Variants in TNPO3 observed in about 807,000 individuals in gnomAD.
The protein encoded by TNPO3 is transportin-3.
Under a neutral mutation model 122.8 loss-of-function variants are expected in TNPO3, and 65 were observed. That is an observed-to-expected ratio of 0.53 (90% CI 0.43 to 0.65). The LOEUF is 0.65. TNPO3 is among the 30% of genes least tolerant of loss of function. The pLI is 0.00. For synonymous variants in TNPO3, 372 were observed against 411.2 expected, an observed-to-expected ratio of 0.90 and a Z score of 1.15; for missense variants, 850 against 1,136.7, an observed-to-expected ratio of 0.75 and a Z score of 3.63.
intron 1 of TNPO3, among the ~76,000 whole-genome samples, chr7:129,044,203 C>T (rs1282392132): frequency 2.6e-5 from 4 of 152,252 alleles, no homozygotes; most frequent in Admixed American, 6.5e-5. Flanking sequence ...GCTGGGATTA[C>T]AGGCATGAGC....
Position 128,970,317 on chromosome 7 carries a change from T to C in TNPO3, c.2431-2A>G. ...CCGTAATTCAAAGTCTTCTTCATGC[T>C]GTATGTAGGAAAGCAGGAACATCAG... On this transcript the variant is annotated splice_acceptor_variant, in intron 19 of 22. Coordinates refer to ENST00000265388, the MANE Select transcript of TNPO3 (RefSeq NM_012470.4). LOFTEE classifies it high-confidence loss of function. 1.3e-6 allele frequency: 2 copies of C among 1,578,854 alleles called. No individual in the cohort carries two copies. Among genetic ancestry groups the C allele is most frequent in the Non-Finnish European group, 1.7e-6 (2 of 1,160,830 alleles).
At chr7:129,055,876 T>C, upstream of TNPO3, 1 of 598,812 alleles carries the variant, frequency 1.7e-6, no homozygotes, top group Non-Finnish European at 3.0e-6. Flanking sequence ...CACTAGTAAA[T>C]AACTGCTATT....
chr7:128,993,611 T>C (rs1481385160), intron 9 of TNPO3, among the ~76,000 whole-genome samples, 196 bp downstream of exon 9: 1 of 152,208 alleles, frequency 6.6e-6, no homozygotes, highest in East Asian at 1.9e-4. Flanking sequence ...GAATCATCCA[T>C]AAACTGCAAC....
chr7:129,042,401 G>A (rs574930056), intron 1 of TNPO3, among the ~76,000 whole-genome samples: 2 of 151,970 alleles, frequency 1.3e-5, no homozygotes, highest in African/African-American at 2.4e-5. Context: ...ACTACAAATC[G>A]GTCAAACAAA....
At chr7:128,985,959 A>G (rs1800096748) in intron 12 of TNPO3, among the ~76,000 whole-genome samples, 1 of 152,216 alleles carries the variant, frequency 6.6e-6, no homozygotes, top group Non-Finnish European at 1.5e-5. Context: ...ATTTTACCCA[A>G]TCCTTTAATA....
chr7:129,001,013 C>T lies in TNPO3; in HGVS notation c.872+46G>A, dbSNP rs1345137898. 3 of 1,588,634 alleles carry T rather than the reference C, an allele frequency of 1.9e-6. No individual in the cohort carries two copies. The South Asian group carries it at 3.3e-5, about 18-fold the overall frequency. On this transcript the variant is annotated intron_variant, in intron 6 of 22. Coordinates refer to ENST00000265388, the MANE Select transcript of TNPO3 (RefSeq NM_012470.4). ...ATAAAAAGTGACTTAAAAGAATGAC[C>T]AGACTGTAGGTAAACCCAGGGCTCC...
chr7:129,017,911 T>C (rs779141089), intron 2 of TNPO3, 46 bp downstream of exon 2: 6 of 1,581,110 alleles, frequency 3.8e-6, no homozygotes, highest in Admixed American at 3.3e-5. Context: ...TCCTGATAAA[T>C]CCAAATGGCC....
At chr7:129,039,959 T>C (rs944147444) in intron 1 of TNPO3, among the ~76,000 whole-genome samples, 1 of 152,042 alleles carries the variant, frequency 6.6e-6, no homozygotes, top group African/African-American at 2.4e-5. Flanking sequence ...CTTTCTGGTA[T>C]GATGAAAATG....
intron 4 of TNPO3, among the ~76,000 whole-genome samples, chr7:129,008,517 G>C (rs1032535068): frequency 1.3e-5 from 2 of 151,838 alleles, no homozygotes; most frequent in African/African-American, 4.8e-5. Context: ...AAAATATTCA[G>C]GGATGCCAGG....
At chr7:128,981,776 TAG>T (rs1372322921) in intron 14 of TNPO3, among the ~76,000 whole-genome samples, 1 of 151,192 alleles carries the variant, frequency 6.6e-6, no homozygotes, top group Non-Finnish European at 1.5e-5. Context: ...TCACCCCGGC[TAG>T]AGTGCAGTGA....
chr7:128,959,185 G>T (rs1379569664), intron 21 of TNPO3, among the ~76,000 whole-genome samples: 2 of 152,158 alleles, frequency 1.3e-5, no homozygotes, highest in Admixed American at 1.3e-4. Flanking sequence ...TGCTCCCAAT[G>T]TCAGGAAGGA....
chr7:128,990,350 A>C (rs573072035), intron 10 of TNPO3: 1 of 606,992 alleles, frequency 1.6e-6, no homozygotes, highest in Non-Finnish European at 2.9e-6. Flanking sequence ...AAGTGCCTAC[A>C]GACACATCAA....
intron 9 of TNPO3, among the ~76,000 whole-genome samples, chr7:128,993,134 C>CAA (rs112083583): frequency 0.026 from 3,813 of 144,764 alleles, 82 homozygotes; most frequent in East Asian, 0.081. Context: ...ACTGAGTTAC[C>CAA]AAAAAAAAAA....
intron 1 of TNPO3, among the ~76,000 whole-genome samples, chr7:129,027,579 A>AAC (rs1563107420): frequency 1.4e-5 from 2 of 138,202 alleles, no homozygotes; most frequent in South Asian, 2.5e-4. Flanking sequence ...AAAAAAAAAA[A>AAC]AAAAAAAAAA....
chr7:129,052,965 A>G (rs1039485990), intron 1 of TNPO3, among the ~76,000 whole-genome samples: 4 of 152,172 alleles, frequency 2.6e-5, no homozygotes, highest in Admixed American at 6.5e-5. Flanking sequence ...TGTAGCCTAC[A>G]GTGAGTCGTA....
chr7:128,982,397 C>T (rs1799717101), intron 13 of TNPO3, 73 bp from the exon 14 acceptor site: 2 of 1,289,460 alleles, frequency 1.6e-6, no homozygotes, highest in Non-Finnish European at 2.2e-6. Context: ...CAACATACAT[C>T]AACCTTTGTC....
At chr7:129,021,145 C>T (rs1206907694) in intron 1 of TNPO3, among the ~76,000 whole-genome samples, 1 of 152,012 alleles carries the variant, frequency 6.6e-6, no homozygotes, top group Non-Finnish European at 1.5e-5. Flanking sequence ...CACCTGAAGT[C>T]AGGAGTTCAA....
At chr7:128,994,020 T>C in intron 8 of TNPO3, 106 bp from the exon 9 acceptor site, 3 of 1,004,578 alleles carry the variant, frequency 3.0e-6, no homozygotes, top group Non-Finnish European at 4.4e-6. Flanking sequence ...CAAGTTTCAA[T>C]GAACAAAAGT....
chr7:128,975,775 AC>A, intron 17 of TNPO3, 43 bp downstream of exon 17: 1 of 1,198,842 alleles, frequency 8.3e-7, no homozygotes, highest in Non-Finnish European at 1.2e-6. Flanking sequence ...AGGCCTTCAG[AC>A]CCTCTAGGCC....
Sources: gnomAD v4.1 joint callset for allele counts (sites outside exome capture counted in the v4.1 genomes callset) on GRCh38, gnomAD v4.1.1 for gene constraint, MANE v1.5 for transcripts, NCBI Gene and HGNC (gene_info 2026-07-23, HGNC 2026-07-21) for gene names.